The following IAH1 variants were observed in gnomAD, a reference collection of about 807,000 sequenced individuals.
IAH1 encodes the protein isoamyl acetate-hydrolyzing esterase 1 homolog.
IAH1 carries 24 observed loss-of-function variants against 26.7 expected under a neutral mutation model. The observed-to-expected ratio is 0.90, with a 90% CI of 0.65 to 1.26. The LOEUF is 1.26. Ranked by LOEUF, IAH1 falls within the 50% of genes most tolerant of loss-of-function variation. The pLI is 0.00. For synonymous variants in IAH1, 140 were observed against 118.5 expected (o/e 1.18, Z -1.18); for missense variants, 300 against 299.9 (o/e 1.00, Z 0.00).
downstream of IAH1, among the ~76,000 whole-genome samples, chr2:9,492,565 C>G (rs924494340): frequency 2.0e-5 from 3 of 152,174 alleles, no homozygotes; most frequent in Non-Finnish European, 4.4e-5. Flanking sequence ...TCTATTGCAA[C>G]GAAGTCAGCC....
At chr2:9,497,057 C>A, downstream of IAH1, 24 of 1,587,682 alleles carry the variant, frequency 1.5e-5, no homozygotes, top group Non-Finnish European at 2.1e-5. Flanking sequence ...GGAAGGGAGC[C>A]TGGCAGACAA....
At chr2:9,499,239 T>C (rs1370246849), downstream of IAH1, among the ~76,000 whole-genome samples, 1 of 152,114 alleles carries the variant, frequency 6.6e-6, no homozygotes, top group Non-Finnish European at 1.5e-5. Context: ...AACAAAAGGC[T>C]GTTTGATAAG....
the IAH1 span, among the ~76,000 whole-genome samples, chr2:9,508,700 T>C: frequency 6.6e-6 from 1 of 152,166 alleles, no homozygotes; most frequent in Non-Finnish European, 1.5e-5. Flanking sequence ...GGCTAGTGGC[T>C]ACTATACTGG....
Position 9,488,594 on chromosome 2 carries a change from TCA to T in IAH1, c.*268_*269del. On this transcript the variant is annotated 3_prime_UTR_variant, in exon 6 of 6. Transcript: ENST00000497473. ...TGACAAAGACTATGTTTTTAAAAAG[TCA>T]CAATTTTATAAAAATGGTTTTTCTT... 1 of 289,370 alleles carries T rather than the reference TCA, an allele frequency of 3.5e-6. No individual in the cohort carries two copies. Among genetic ancestry groups the T allele is most frequent in the African/African-American group, 2.2e-5 (1 of 46,138 alleles). 17.9% of individuals were successfully genotyped at this position (289,370 alleles called of 1,614,324 possible). A position where few individuals can be genotyped will look rare whatever the true frequency, so the allele number is the denominator to read the frequency against.
downstream of IAH1, chr2:9,490,148 C>CACTT: frequency 6.5e-7 from 1 of 1,549,324 alleles, no homozygotes; most frequent in Non-Finnish European, 8.8e-7. Context: ...ATATTTTGCA[C>CACTT]ACTTAAGTCA....
chr2:9,474,998 A>C lies in IAH1; in HGVS notation c.81+351A>C. 9.1e-7 allele frequency: 1 copy of C among 1,100,838 alleles called. No individual in the cohort carries two copies. Among genetic ancestry groups the C allele is most frequent in the South Asian group, 2.2e-5 (1 of 44,804 alleles). 68.2% of individuals were successfully genotyped at this position (1,100,838 alleles called of 1,614,324 possible). On this transcript the variant is annotated intron_variant, in intron 1 of 5. Transcript: ENST00000497473. The surrounding 1 kb of genome is among the most constrained non-coding windows in gnomAD (Gnocchi z 4.3). ...GGCCTTTCCCCTCCGGGTCCGGGTTAGCGGCCGCGGGCGACCGCGCGCTGT... is the reference window on the plus strand; with the variant it reads ...GGCCTTTCCCCTCCGGGTCCGGGTTCGCGGCCGCGGGCGACCGCGCGCTGT...
chr2:9,476,114 A>T, intron 2 of IAH1, 75 bp downstream of exon 2: 1 of 1,240,340 alleles, frequency 8.1e-7, no homozygotes, highest in Non-Finnish European at 1.2e-6. Flanking sequence ...GATGAAGGAT[A>T]GTTCTGAACA....
chr2:9,510,121 A>G, the IAH1 span: 1 of 1,614,046 alleles, frequency 6.2e-7, no homozygotes, highest in Non-Finnish European at 8.5e-7. Context: ...AGTTGTAACC[A>G]GGTCAGCTTC....
At chr2:9,483,733 G>A (rs1433201261) in intron 4 of IAH1, among the ~76,000 whole-genome samples, 3 of 152,234 alleles carry the variant, frequency 2.0e-5, no homozygotes, top group African/African-American at 7.2e-5. Flanking sequence ...CTTCCCTGGT[G>A]CAGCTCCCTG....
intron 6 of IAH1, chr2:9,494,921 G>T: frequency 1.1e-6 from 1 of 884,736 alleles, no homozygotes; most frequent in Non-Finnish European, 1.6e-6. Context: ...CCCCACCAAG[G>T]AGTAGTTTCT....
At chr2:9,486,616 T>TC (rs1179287636) in intron 5 of IAH1, 1 of 152,060 alleles carries the variant, frequency 6.6e-6, no homozygotes, top group Non-Finnish European at 1.5e-5. Context: ...TCACCTGAGG[T>TC]CAGGAGTTCG....
rs371153381 is a variant in IAH1 at position 9,489,318 on chromosome 2, T to C, written c.*989T>C. 7.1e-6 allele frequency: 1 copy of C among 141,842 alleles called. No individual in the cohort carries two copies. Among genetic ancestry groups the C allele is most frequent in the Non-Finnish European group, 1.5e-5 (1 of 66,820 alleles). The allele number at this position is 141,842 out of a possible 1,614,324, so 8.8% of individuals were successfully genotyped here. A position where few individuals can be genotyped will look rare whatever the true frequency, so the allele number is the denominator to read the frequency against. On this transcript the variant is annotated 3_prime_UTR_variant, in exon 6 of 6. Transcript: ENST00000497473. ...TCTCACTCTGTCACCCAGGCTGGAG[T>C]GTAGTGGCGCAACCTCAGCCTCTCC... is the stretch of plus-strand genomic sequence containing the variant.
At chr2:9,509,985 G>A in the IAH1 span, 1 of 1,613,870 alleles carries the variant, frequency 6.2e-7, no homozygotes, top group East Asian at 2.2e-5. Flanking sequence ...ATACCTTATT[G>A]TTCTCGTGAT....
intron 1 of IAH1, chr2:9,475,641 T>C: frequency 3.2e-6 from 1 of 316,952 alleles, no homozygotes; most frequent in South Asian, 3.2e-5. Flanking sequence ...GCTGGGATTA[T>C]AGACGTGCGC....
At position 9,475,000 on chromosome 2, in the gene IAH1, C is replaced by G; in HGVS notation, c.81+353C>G. 1 of 1,099,230 alleles carries G rather than the reference C, an allele frequency of 9.1e-7. No homozygotes were observed. Among genetic ancestry groups the G allele is most frequent in the Non-Finnish European group, 1.1e-6 (1 of 893,188 alleles). The allele number at this position is 1,099,230 out of a possible 1,614,324, so 68.1% of individuals were successfully genotyped here. ...CCTTTCCCCTCCGGGTCCGGGTTAG[C>G]GGCCGCGGGCGACCGCGCGCTGTGT... is the stretch of plus-strand genomic sequence containing the variant. On this transcript the variant is annotated intron_variant, in intron 1 of 5. Coordinates refer to ENST00000497473, the MANE Select transcript of IAH1 (RefSeq NM_001039613.3). The surrounding 1 kb of genome is among the most constrained non-coding windows in gnomAD (Gnocchi z 4.3).
chr2:9,475,141 G>A (rs1682408274), intron 1 of IAH1: 3 of 1,282,474 alleles, frequency 2.3e-6, no homozygotes, highest in Non-Finnish European at 3.0e-6. Context: ...ACGCCTTCAG[G>A]AATTAGGTAG....
downstream of IAH1, chr2:9,490,068 A>G: frequency 9.6e-7 from 1 of 1,044,240 alleles, no homozygotes; most frequent in Non-Finnish European, 1.4e-6. Flanking sequence ...CATGACCAGC[A>G]TCTGCTAAGT....
At chr2:9,508,031 G>A in the IAH1 span, among the ~76,000 whole-genome samples, 1 of 152,300 alleles carries the variant, frequency 6.6e-6, no homozygotes, top group South Asian at 2.1e-4. Context: ...TTACAGGGCT[G>A]TTTTGAAGAG....
At chr2:9,475,081 A>C in intron 1 of IAH1, 7 of 1,235,936 alleles carry the variant, frequency 5.7e-6, no homozygotes, top group Non-Finnish European at 6.3e-6. Context: ...CTCTCGCCCC[A>C]TTCCCTGCGG....
Sources: gnomAD v4.1 joint callset for allele counts (sites outside exome capture counted in the v4.1 genomes callset) on GRCh38, gnomAD v4.1.1 for gene constraint, Gnocchi (gnomAD v3.1) non-coding constraint, MANE v1.5 for transcripts, NCBI Gene and HGNC (gene_info 2026-07-23, HGNC 2026-07-21) for gene names.